Variants in BRF1 observed in about 807,000 individuals in gnomAD.
BRF1 encodes the protein BRF1 general transcription factor IIIB subunit, also known as transcription factor IIIB 90 kDa subunit.
Under a neutral mutation model 81.7 loss-of-function variants are expected in BRF1, and 59 were observed. The observed-to-expected ratio is 0.72, with a 90% CI of 0.59 to 0.90. BRF1 has a LOEUF of 0.90. Ranked by LOEUF, BRF1 falls within the 40% of genes least tolerant of loss-of-function variation. BRF1 has a pLI of 0.00. For missense variants in BRF1, 1,050 were observed against 936.3 expected, an observed-to-expected ratio of 1.12 and a Z score of -1.58; for synonymous variants, 491 against 395.6, an observed-to-expected ratio of 1.24 and a Z score of -2.86.
Position 105,252,331 on chromosome 14 carries a change from G to A in BRF1, c.544+176C>T, listed in dbSNP as rs191893382. On this transcript the variant is annotated intron_variant, in intron 5 of 17. Coordinates refer to ENST00000547530, the MANE Select transcript of BRF1 (RefSeq NM_001519.4). Reference sequence around the variant, plus strand: ...CTCCAGCCTGGACAACAGCGAGACTGTGTCTTAGAAAATAAGGCCCCACAT... The same window carrying A: ...CTCCAGCCTGGACAACAGCGAGACTATGTCTTAGAAAATAAGGCCCCACAT... The A allele has an allele frequency of 1.9e-5, 18 of 971,338 alleles. No homozygotes were observed. In the Admixed American group the frequency reaches 9.8e-4, roughly 53 times the overall value. The allele number at this position is 971,338 out of a possible 1,614,324, so 60.2% of individuals were successfully genotyped here.
intron 6 of BRF1, among the ~76,000 whole-genome samples, chr14:105,229,599 G>C (rs923972516): frequency 2.0e-5 from 3 of 152,194 alleles, no homozygotes; most frequent in Non-Finnish European, 2.9e-5. Context: ...GCTGCGACCT[G>C]GGGGGTCACA....
intron 10 of BRF1, among the ~76,000 whole-genome samples, chr14:105,223,792 G>A (rs925327566): frequency 1.3e-5 from 2 of 152,148 alleles, no homozygotes; most frequent in Non-Finnish European, 2.9e-5. Context: ...TTTTCATACG[G>A]CAATCACACC....
At position 105,291,959 on chromosome 14, in the gene BRF1, T is replaced by C. The variant is rs181993698; in HGVS notation, c.185-5583A>G. Among the ~76,000 whole-genome samples the C allele has an allele frequency of 8.9e-4, 135 of 151,870 alleles. 2 individuals carry two copies. In the East Asian group the frequency reaches 0.025, roughly 28 times the overall value. On this transcript the variant is annotated intron_variant, in intron 1 of 17. Coordinates refer to ENST00000547530, the MANE Select transcript of BRF1 (RefSeq NM_001519.4). ...GCTGCAGTGAGATGAGATTGCGCCA[T>C]TGCACTCCAGCCTGGGCAACAAGAG...
intron 1 of BRF1, among the ~76,000 whole-genome samples, chr14:105,298,910 C>A (rs1343156557): frequency 2.0e-5 from 3 of 150,202 alleles, no homozygotes; most frequent in African/African-American, 7.3e-5. Context: ...GTGGCTCACG[C>A]CTGTAATCCC....
chr14:105,211,027 T>C (rs1046682794), intron 17 of BRF1, 95 bp downstream of exon 17: 3 of 1,517,868 alleles, frequency 2.0e-6, no homozygotes, highest in Admixed American at 2.1e-5. Context: ...GAAATTTAGT[T>C]TGAAGCTAAC....
At chr14:105,258,009 T>G (rs868847372) in intron 3 of BRF1, among the ~76,000 whole-genome samples, 3 of 152,026 alleles carry the variant, frequency 2.0e-5, no homozygotes, top group Non-Finnish European at 2.9e-5. Context: ...GCCCCAAGAG[T>G]GAACCTCAAT....
chr14:105,298,280 T>C (rs2057821097), intron 1 of BRF1, among the ~76,000 whole-genome samples: 1 of 152,134 alleles, frequency 6.6e-6, no homozygotes. Context: ...ACAACAACTT[T>C]GAAAAGGAAG....
chr14:105,262,372 G>A (rs1383383392), intron 3 of BRF1, among the ~76,000 whole-genome samples: 2 of 152,188 alleles, frequency 1.3e-5, no homozygotes, highest in African/African-American at 4.8e-5. Context: ...TGCGGGGTAG[G>A]AGACCTGCTG....
At chr14:105,225,974 T>C in intron 10 of BRF1, 95 bp downstream of exon 10, 3 of 1,261,224 alleles carry the variant, frequency 2.4e-6, no homozygotes, top group Non-Finnish European at 2.2e-6. Context: ...GATAATCCCC[T>C]TCCCTTTCCA....
At chr14:105,256,243 A>C in intron 4 of BRF1, 1 of 1,541,388 alleles carries the variant, frequency 6.5e-7, no homozygotes, top group Non-Finnish European at 8.7e-7. Flanking sequence ...ACAAAAGTTC[A>C]CTGTTCACCC....
chr14:105,266,571 C>T (rs755263835), intron 3 of BRF1, among the ~76,000 whole-genome samples: 2 of 152,038 alleles, frequency 1.3e-5, no homozygotes, highest in Non-Finnish European at 2.9e-5. Flanking sequence ...AGCAAGGTAA[C>T]ATCCTCAAGC....
chr14:105,312,341 A>G (rs1423101701), intron 1 of BRF1, among the ~76,000 whole-genome samples: 1 of 152,186 alleles, frequency 6.6e-6, no homozygotes, highest in Non-Finnish European at 1.5e-5. Flanking sequence ...TTAAATAATA[A>G]TAACTCCCAC....
chr14:105,211,597 G>T, intron 16 of BRF1: 1 of 423,716 alleles, frequency 2.4e-6, no homozygotes, highest in South Asian at 3.5e-5. Context: ...CATAGGCCTC[G>T]GCCGAGGACA....
At chr14:105,300,151 G>C (rs1217042090) in intron 1 of BRF1, among the ~76,000 whole-genome samples, 2 of 152,252 alleles carry the variant, frequency 1.3e-5, no homozygotes, top group East Asian at 3.9e-4. Context: ...TGACAGTGAG[G>C]GGCAGCTTGA....
intron 5 of BRF1, chr14:105,248,222 G>A (rs2055259438): frequency 5.1e-6 from 5 of 985,414 alleles, no homozygotes; most frequent in Non-Finnish European, 6.0e-6. Flanking sequence ...CTGAACGAAC[G>A]AGGAAGCCCA....
intron 5 of BRF1, chr14:105,249,982 C>T (rs146708999): frequency 4.0e-5 from 64 of 1,612,472 alleles, no homozygotes; most frequent in South Asian, 8.8e-5. Context: ...TGAACTGGGC[C>T]GAGGCGGAGT....
chr14:105,228,987 C>T, intron 6 of BRF1, 74 bp from the exon 7 acceptor site: 6 of 1,346,232 alleles, frequency 4.5e-6, no homozygotes, highest in Admixed American at 1.7e-5. Flanking sequence ...CCCAGGACAA[C>T]ACTGCGGATC....
upstream of BRF1, among the ~76,000 whole-genome samples, chr14:105,305,176 G>A (rs375783035): frequency 5.3e-4 from 80 of 152,256 alleles, no homozygotes; most frequent in East Asian, 7.7e-3. Context: ...TGAGGAGGGA[G>A]GATTGCTTGA....
chr14:105,254,563 TTTTG>T (rs1012876800), intron 4 of BRF1, among the ~76,000 whole-genome samples: 2 of 141,648 alleles, frequency 1.4e-5, no homozygotes, highest in Non-Finnish European at 1.5e-5. Flanking sequence ...GGCCGCAGTT[TTTTG>T]TTTGTTTTCT....
Sources: gnomAD v4.1 joint callset for allele counts (sites outside exome capture counted in the v4.1 genomes callset) on GRCh38, gnomAD v4.1.1 for gene constraint, MANE v1.5 for transcripts, NCBI Gene and HGNC (gene_info 2026-07-23, HGNC 2026-07-21) for gene names.